Variants in DMD observed in about 807,000 individuals in gnomAD.
The protein encoded by DMD is mutant dystrophin.
DMD carries 63 observed loss-of-function variants against 330.1 expected under a neutral mutation model. The ratio of observed to expected loss-of-function variants is 0.19; its 90% confidence interval spans 0.16 to 0.24. The LOEUF is 0.24. Among genes scored for constraint, DMD ranks in the 10% least tolerant of loss-of-function variants. DMD has a pLI of 1.00. For synonymous variants in DMD, 1,223 were observed against 959.8 expected (o/e 1.27, Z -5.07); for missense variants, 3,344 against 2,684.1 (o/e 1.25, Z -5.43).
intron 12 of DMD, among the ~76,000 whole-genome samples, chrX:32,607,597 C>G (rs1444324679): frequency 9.1e-6 from 1 of 109,807 alleles, no homozygotes; most frequent in African/African-American, 3.3e-5. Context: ...GATAGTTCTC[C>G]ATATTCTTCA....
chrX:32,996,375 T>C (rs1029787369), intron 2 of DMD, among the ~76,000 whole-genome samples: 1 of 112,018 alleles, frequency 8.9e-6, no homozygotes, highest in Non-Finnish European at 1.9e-5. Context: ...GTACACATTG[T>C]AATATTTTAA....
intron 52 of DMD, among the ~76,000 whole-genome samples, chrX:31,714,688 G>A (rs1451487364): frequency 9.0e-6 from 1 of 111,655 alleles, no homozygotes; most frequent in Non-Finnish European, 1.9e-5. Flanking sequence ...AAGTTTACCT[G>A]TTTTGAATGG....
At chrX:33,252,707 C>T (rs1199907074) in intron 1 of DMD, among the ~76,000 whole-genome samples, 3 of 110,504 alleles carry the variant, frequency 2.7e-5, no homozygotes, top group African/African-American at 3.3e-5. Context: ...ATGATAATTT[C>T]GCTACTTAAA....
chrX:31,827,422 T>C (rs1366127492), intron 49 of DMD, among the ~76,000 whole-genome samples: 3 of 112,063 alleles, frequency 2.7e-5, no homozygotes, highest in Non-Finnish European at 3.8e-5. Context: ...CCTAGCTTTA[T>C]AAAACAATAG....
intron 13 of DMD, among the ~76,000 whole-genome samples, chrX:32,576,811 A>T (rs1384168392): frequency 1.2e-4 from 13 of 110,663 alleles, no homozygotes; most frequent in African/African-American, 4.3e-4. Context: ...ATAACTATTT[A>T]AAAAATGCCA....
In DMD at chrX:31,822,653, G is replaced by GGGT. The variant is rs58903799; in HGVS notation, c.7201-2571_7201-2570insACC. Among the ~76,000 whole-genome samples, 138 of 65,806 alleles carry GGGT rather than the reference G, an allele frequency of 2.1e-3. 5 individuals carry two copies. The highest frequency in any genetic ancestry group is 0.021 in the Middle Eastern group (2 of 95). 57.1% of individuals were successfully genotyped at this position (65,806 alleles called of 115,157 possible). On this transcript the variant is annotated intron_variant, in intron 49 of 78. Transcript: ENST00000357033. ...TTGGCCATACAGAAAAAGGCAGAGG[G>GGGT]GTGTGTGTGTGTGTGTGTGTGTGTG...
rs138594601 is a variant in DMD at position 32,327,109 on chromosome X, C to G, written c.5922+14991G>C. Among the ~76,000 whole-genome samples, 17 of 107,987 alleles carry G rather than the reference C, an allele frequency of 1.6e-4. 1 individual carries two copies. In the East Asian group the frequency reaches 5.0e-3, roughly 32 times the overall value. The allele number at this position is 107,987 out of a possible 115,157, so 93.8% of individuals were successfully genotyped here. ...GAGTCCATATATATAGGTTCTTTTT[C>G]ACCTTACTCGAGGCTGCAGCTATTA... On this transcript the variant is annotated intron_variant, in intron 41 of 78. Coordinates refer to ENST00000357033, the MANE Select transcript of DMD (RefSeq NM_004006.3).
intron 7 of DMD, among the ~76,000 whole-genome samples, chrX:32,767,945 C>T (rs768682182): frequency 1.9e-4 from 21 of 111,243 alleles, no homozygotes; most frequent in Admixed American, 1.8e-3. Context: ...TTCATAAAGG[C>T]TTAACTATTG....
At chrX:33,057,723 G>A in intron 1 of DMD, among the ~76,000 whole-genome samples, 1 of 111,740 alleles carries the variant, frequency 8.9e-6, no homozygotes, top group East Asian at 2.8e-4. Flanking sequence ...GATAACTTTG[G>A]CCAGTTCTCA....
chrX:32,468,780 A>T (rs2040320562), intron 22 of DMD, 70 bp from the exon 23 acceptor site: 1 of 893,378 alleles, frequency 1.1e-6, no homozygotes, highest in African/African-American at 2.0e-5. Flanking sequence ...TAGTGAAATT[A>T]ACTGTACTTG....
intron 43 of DMD, among the ~76,000 whole-genome samples, chrX:32,282,447 T>C (rs1345892369): frequency 8.9e-6 from 1 of 112,235 alleles, no homozygotes; most frequent in Non-Finnish European, 1.9e-5. Context: ...ATCTTACATA[T>C]AGGCATATCT....
At chrX:32,886,893 T>C (rs1246604421) in intron 2 of DMD, among the ~76,000 whole-genome samples, 2 of 111,962 alleles carry the variant, frequency 1.8e-5, no homozygotes, top group Non-Finnish European at 3.8e-5. Context: ...TGAAAAGTCA[T>C]AAATATAGCA....
intron 62 of DMD, among the ~76,000 whole-genome samples, chrX:31,290,657 CATG>C (rs2053622194): frequency 9.0e-6 from 1 of 111,705 alleles, no homozygotes; most frequent in African/African-American, 3.2e-5. Context: ...ATTTTTCATT[CATG>C]ATGCCTCTAT....
At chrX:31,456,390 T>C (rs1164275407) in intron 59 of DMD, among the ~76,000 whole-genome samples, 1 of 111,912 alleles carries the variant, frequency 8.9e-6, no homozygotes, top group African/African-American at 3.2e-5. Context: ...ACTAAGATCC[T>C]TTGCCGGGTA....
chrX:32,884,007 G>A (rs1303465590), intron 2 of DMD, among the ~76,000 whole-genome samples: 1 of 109,269 alleles, frequency 9.2e-6, no homozygotes, highest in African/African-American at 3.3e-5. Flanking sequence ...TAAGTACATA[G>A]GTTTTCTGGT....
chrX:31,419,948 G>C (rs772306042), intron 60 of DMD, among the ~76,000 whole-genome samples: 2 of 111,370 alleles, frequency 1.8e-5, no homozygotes, highest in Non-Finnish European at 3.8e-5. Context: ...ATTTTTTCAG[G>C]GCTTGAACAT....
intron 12 of DMD, among the ~76,000 whole-genome samples, chrX:32,598,816 C>T (rs1273597363): frequency 9.0e-6 from 1 of 111,551 alleles, no homozygotes; most frequent in African/African-American, 3.3e-5. Flanking sequence ...GAAGTGCTAA[C>T]GTAAAGTACC....
intron 29 of DMD, among the ~76,000 whole-genome samples, chrX:32,424,993 C>T (rs1480411765): frequency 1.8e-5 from 2 of 111,113 alleles, no homozygotes; most frequent in African/African-American, 6.5e-5. Flanking sequence ...ATTTTCTATG[C>T]GGCTGTATGT....
chrX:32,456,973 A>T (rs982152728), intron 25 of DMD, among the ~76,000 whole-genome samples: 1 of 106,887 alleles, frequency 9.4e-6, no homozygotes, highest in Non-Finnish European at 1.9e-5. Flanking sequence ...AAAAAAAAAA[A>T]AAAAACTTAC....
Sources: allele counts gnomAD v4.1 joint callset (sites outside exome capture counted in the v4.1 genomes callset), GRCh38; gene constraint gnomAD v4.1.1; transcripts MANE v1.5; gene names NCBI Gene and HGNC (gene_info 2026-07-23, HGNC 2026-07-21).